Variants in CBLB observed in about 807,000 individuals in gnomAD.
The protein encoded by CBLB is Cbl proto-oncogene B.
Under a neutral mutation model 104.9 loss-of-function variants are expected in CBLB, and 31 were observed. The ratio of observed to expected loss-of-function variants is 0.30; its 90% CI spans 0.22 to 0.40. CBLB has a LOEUF of 0.40. Ranked by LOEUF, CBLB falls within the 10% of genes least tolerant of loss-of-function variation. CBLB has a pLI of 1.00. For synonymous variants in CBLB, 440 were observed against 422.6 expected, an observed-to-expected ratio of 1.04 and a Z score of -0.51; for missense variants, 1,062 against 1,214.6, an observed-to-expected ratio of 0.87 and a Z score of 1.87.
chr3:105,690,609 G>C (rs1024897970), intron 13 of CBLB, among the ~76,000 whole-genome samples: 1 of 152,056 alleles, frequency 6.6e-6, no homozygotes, highest in Admixed American at 6.6e-5. Context: ...GGATCACAAG[G>C]TCAGGAGTTC....
At chr3:105,795,843 A>C (rs1339650194) in intron 3 of CBLB, among the ~76,000 whole-genome samples, 1 of 152,044 alleles carries the variant, frequency 6.6e-6, no homozygotes, top group Non-Finnish European at 1.5e-5. Flanking sequence ...TCCCGGGTTC[A>C]AGCAATTCTC....
intron 9 of CBLB, 47 bp from the exon 10 acceptor site, chr3:105,720,297 G>C: frequency 6.6e-7 from 1 of 1,508,198 alleles, no homozygotes; most frequent in Non-Finnish European, 9.1e-7. Flanking sequence ...AAAATAAACA[G>C]TACCGAGAAA....
chr3:105,686,944 T>C (rs2067082316), intron 13 of CBLB, among the ~76,000 whole-genome samples: 2 of 152,076 alleles, frequency 1.3e-5, no homozygotes, highest in Non-Finnish European at 1.5e-5. Flanking sequence ...CTTTGGAGGA[T>C]TTACTTTCCA....
chr3:105,765,758 C>A (rs1311082275), intron 4 of CBLB, among the ~76,000 whole-genome samples: 1 of 152,136 alleles, frequency 6.6e-6, no homozygotes, highest in Non-Finnish European at 1.5e-5. Context: ...CAAAATAGTA[C>A]TGCTCATTGG....
chr3:105,683,033 A>ATGG (rs201036925), intron 14 of CBLB, among the ~76,000 whole-genome samples: 39,339 of 69,404 alleles, frequency 0.57, 5,254 homozygotes, highest in Admixed American at 0.58. Flanking sequence ...AATGGAAGAG[A>ATGG]CGGATATTTG....
At chr3:105,736,016 T>C (rs1021902811) in intron 8 of CBLB, among the ~76,000 whole-genome samples, 4 of 152,224 alleles carry the variant, frequency 2.6e-5, no homozygotes, top group African/African-American at 9.6e-5. Context: ...TGTCAATGTG[T>C]ATGTCTCACA....
At chr3:105,865,303 C>A (rs887743002) in intron 2 of CBLB, among the ~76,000 whole-genome samples, 5 of 152,294 alleles carry the variant, frequency 3.3e-5, no homozygotes, top group South Asian at 2.1e-4. Flanking sequence ...ATACTGAATT[C>A]TTTCATAATA....
intron 5 of CBLB, among the ~76,000 whole-genome samples, chr3:105,748,359 C>A (rs952288489): frequency 6.6e-6 from 1 of 152,130 alleles, no homozygotes; most frequent in Non-Finnish European, 1.5e-5. Context: ...CAACTGAGGA[C>A]TTTCCTCTTC....
rs565030678 is a variant in CBLB at position 105,771,128 on chromosome 3, T to C, written c.566+5268A>G. ...TACAGACCAATATCTCTGATGAACA[T>C]AGATGCAAAAATCCTCAACAAAATA... is the stretch of plus-strand genomic sequence containing the variant. On this transcript the variant is annotated intron_variant, in intron 4 of 18. Coordinates refer to ENST00000394030, the MANE Select transcript of CBLB (RefSeq NM_170662.5). Among the ~76,000 whole-genome samples the C allele has an allele frequency of 1.1e-4, 17 of 152,208 alleles. 2 individuals carry two copies. In the South Asian group the frequency reaches 2.9e-3, roughly 26 times the overall value.
At chr3:105,821,260 A>AGATC (rs1553834226) in intron 3 of CBLB, among the ~76,000 whole-genome samples, 1 of 149,402 alleles carries the variant, frequency 6.7e-6, no homozygotes, top group African/African-American at 2.5e-5. Flanking sequence ...ATCTATATCT[A>AGATC]TATCTATCTA....
intron 8 of CBLB, among the ~76,000 whole-genome samples, chr3:105,736,066 T>C (rs951000969): frequency 6.6e-6 from 1 of 152,194 alleles, no homozygotes; most frequent in Non-Finnish European, 1.5e-5. Context: ...TCTGGAGAAT[T>C]ATAAGGTAAA....
chr3:105,749,747 C>T (rs2076423408), intron 5 of CBLB: 1 of 322,208 alleles, frequency 3.1e-6, no homozygotes. Flanking sequence ...ATAAGATATT[C>T]TGTAAAATTA....
chr3:105,722,340 T>C (rs1019166899), intron 9 of CBLB, among the ~76,000 whole-genome samples: 1 of 152,086 alleles, frequency 6.6e-6, no homozygotes, highest in Non-Finnish European at 1.5e-5. Flanking sequence ...AAAAAAATTA[T>C]TATAGAAAAT....
chr3:105,769,518 G>A (rs2078615916), intron 4 of CBLB, among the ~76,000 whole-genome samples: 1 of 152,166 alleles, frequency 6.6e-6, no homozygotes, highest in Non-Finnish European at 1.5e-5. Flanking sequence ...GCAGCACAGA[G>A]TAGGGATATC....
intron 3 of CBLB, among the ~76,000 whole-genome samples, chr3:105,807,696 A>G (rs577515433): frequency 1.1e-4 from 16 of 152,180 alleles, no homozygotes; most frequent in Non-Finnish European, 2.2e-4. Context: ...AAAGAAAAAA[A>G]AGCAAAACAA....
At chr3:105,763,301 A>ATGATTT (rs1283843486) in intron 4 of CBLB, among the ~76,000 whole-genome samples, 2 of 152,208 alleles carry the variant, frequency 1.3e-5, no homozygotes, top group African/African-American at 2.4e-5. Context: ...TTGCGAAGGC[A>ATGATTT]TGATTGTGTC....
chr3:105,671,502 A>G (rs2065055184), intron 17 of CBLB: 2 of 214,356 alleles, frequency 9.3e-6, no homozygotes, highest in Non-Finnish European at 1.9e-5. Context: ...GATTGTTCAC[A>G]ATTTTAAAAT....
chr3:105,703,235 A>G (rs1192965819), intron 11 of CBLB, among the ~76,000 whole-genome samples: 1 of 152,216 alleles, frequency 6.6e-6, no homozygotes, highest in African/African-American at 2.4e-5. Context: ...TTGTGTTTAC[A>G]TAATTCTAAA....
In CBLB at chr3:105,656,710, C is replaced by T. The variant is rs985236692; in HGVS notation, c.*2260G>A. 1 of 183,026 alleles carries T rather than the reference C, an allele frequency of 5.5e-6. No individual in the cohort carries two copies. Among genetic ancestry groups the T allele is most frequent in the African/African-American group, 2.4e-5 (1 of 41,250 alleles). 11.3% of individuals were successfully genotyped at this position (183,026 alleles called of 1,614,324 possible). On this transcript the variant is annotated 3_prime_UTR_variant, in exon 19 of 19. Transcript: ENST00000394030. ...GAAATTTTCAAATATTGTTTATAAA[C>T]TGAATGAGAATGTGCTATGTTCTCT...
Sources: allele counts gnomAD v4.1 joint callset (sites outside exome capture counted in the v4.1 genomes callset), GRCh38; gene constraint gnomAD v4.1.1; transcripts MANE v1.5; gene names NCBI Gene and HGNC (gene_info 2026-07-23, HGNC 2026-07-21).